Variants in JAML observed in about 807,000 individuals in gnomAD.
The protein encoded by JAML is junction adhesion molecule like.
In JAML, 25 loss-of-function variants were observed where a neutral mutation model predicts 39.3. The ratio of observed to expected loss-of-function variants is 0.64; its 90% CI spans 0.46 to 0.89. The LOEUF (loss-of-function observed/expected upper bound fraction) is 0.89, where lower values mean the gene tolerates loss of function less well. Ranked by LOEUF, JAML falls within the 40% of genes least tolerant of loss-of-function variation. JAML has a pLI of 0.00. For synonymous variants in JAML, 162 were observed against 179.2 expected, an observed-to-expected ratio of 0.90 and a Z score of 0.77; for missense variants, 440 against 486.9, an observed-to-expected ratio of 0.90 and a Z score of 0.91.
chr11:118,222,516 T>C lies in JAML; in HGVS notation c.-21+2425A>G, dbSNP rs1366468268. Among the ~76,000 whole-genome samples, 2 of 152,222 alleles carry C rather than the reference T, an allele frequency of 1.3e-5. No homozygotes were observed. The highest frequency in any genetic ancestry group is 2.9e-5 in the Non-Finnish European group (2 of 68,044). On this transcript the variant is annotated intron_variant, in intron 1 of 9. Transcript: ENST00000356289. This position sits in a 1 kb window ranked among gnomAD's most constrained non-coding sequence, Gnocchi z 4.2. ...CTGTCTGTCTGTGTATTTATATGTG[T>C]TGTATGTATAGTATTTATATAAAAG...
intron 5 of JAML, 98 bp downstream of exon 5, chr11:118,205,784 A>G: frequency 8.9e-7 from 1 of 1,128,774 alleles, no homozygotes; most frequent in South Asian, 1.3e-5. Flanking sequence ...ACCAAAGCCC[A>G]GGCTCTTGCA....
intron 4 of JAML, 67 bp downstream of exon 4, chr11:118,210,420 G>C: frequency 6.6e-7 from 1 of 1,508,902 alleles, no homozygotes; most frequent in South Asian, 1.2e-5. Flanking sequence ...AAGATAATCA[G>C]TTTCCTTGCC....
intron 5 of JAML, chr11:118,205,429 T>A (rs747042666): frequency 1.8e-4 from 28 of 156,428 alleles, no homozygotes; most frequent in Middle Eastern, 3.2e-3. Context: ...GAAAATTCCC[T>A]CCATCACATA....
chr11:118,197,966 A>AGGC, intron 8 of JAML, 32 bp downstream of exon 8: 1 of 1,589,624 alleles, frequency 6.3e-7, no homozygotes, highest in Non-Finnish European at 8.6e-7. Context: ...GCCTGCATCT[A>AGGC]CTTAGTGTTT....
In JAML at chr11:118,222,644, C is replaced by A. The variant is rs3018383; in HGVS notation, c.-21+2297G>T. On this transcript the variant is annotated intron_variant, in intron 1 of 9. Transcript: ENST00000356289. The surrounding 1 kb of genome is among the most constrained non-coding windows in gnomAD (Gnocchi z 4.2). ...TCACGTGACTCTAATGATTTTTAAA[C>A]ATAAAGACAGTGTAAATAACATAAA... is the stretch of plus-strand genomic sequence containing the variant. Among the ~76,000 whole-genome samples the A allele has an allele frequency of 0.36, 54,839 of 152,012 alleles. 13,783 individuals are homozygous for A. The highest frequency in any genetic ancestry group is 0.72 in the African/African-American group (29,682 of 41,488).
At chr11:118,196,204 T>C (rs1948651735) in intron 9 of JAML, among the ~76,000 whole-genome samples, 2 of 149,502 alleles carry the variant, frequency 1.3e-5, no homozygotes, top group South Asian at 2.1e-4. Flanking sequence ...TCTCGGCTCA[T>C]GTAACCAACG....
Position 118,212,934 on chromosome 11 carries a change from GT to G in JAML, c.44-374del, listed in dbSNP as rs750008104. ...ACTTACCATAACGACGAAATGGGTTGTTCCTTGCTCTTAAATCTCCCACTGG... is the reference window on the plus strand; with the variant it reads ...ACTTACCATAACGACGAAATGGGTTGTCCTTGCTCTTAAATCTCCCACTGG... On this transcript the variant is annotated intron_variant, in intron 2 of 9. Coordinates refer to ENST00000356289, the MANE Select transcript of JAML (RefSeq NM_001098526.2). 9 of 1,614,236 alleles carry G rather than the reference GT, an allele frequency of 5.6e-6. No homozygotes were observed. In the East Asian group the frequency reaches 1.8e-4, roughly 32 times the overall value.
At chr11:118,219,825 A>C (rs2134678416) in intron 1 of JAML, among the ~76,000 whole-genome samples, 1 of 152,334 alleles carries the variant, frequency 6.6e-6, no homozygotes, top group East Asian at 1.9e-4. Context: ...GTTTGGAGAC[A>C]GCTGAAGGTC....
intron 4 of JAML, among the ~76,000 whole-genome samples, chr11:118,207,636 T>C (rs975807244): frequency 1.3e-5 from 2 of 151,094 alleles, no homozygotes; most frequent in Non-Finnish European, 2.9e-5. Flanking sequence ...TATAGATGAC[T>C]ACAAAAAATG....
chr11:118,218,272 T>C (rs1412308730), intron 1 of JAML, among the ~76,000 whole-genome samples: 2 of 152,156 alleles, frequency 1.3e-5, no homozygotes, highest in Admixed American at 1.3e-4. Context: ...TTTGTACTTT[T>C]AGTAGAGACA....
intron 1 of JAML, among the ~76,000 whole-genome samples, chr11:118,216,920 G>A (rs1949150361): frequency 6.6e-6 from 1 of 152,062 alleles, no homozygotes; most frequent in Non-Finnish European, 1.5e-5. Context: ...ATACATGGAT[G>A]AAGGTCATAA....
At chr11:118,195,222 C>T (rs1339000861) in intron 9 of JAML, among the ~76,000 whole-genome samples, 2 of 152,156 alleles carry the variant, frequency 1.3e-5, no homozygotes, top group Non-Finnish European at 2.9e-5. Flanking sequence ...CATCACATAA[C>T]AGTATGGGAG....
chr11:118,205,973 C>G lies in JAML; in HGVS notation c.443G>C (p.Gly148Ala), dbSNP rs541898493. ...AACACATCCCATCTGAATCAATCCA[C>G]CCACATGGACCATGAGCTCTGAGGA... is the stretch of plus-strand genomic sequence containing the variant. ...EEPKELMVHV[G>A]GLIQMGCVFQ... is the part of the protein sequence containing the mutation. The change falls in exon 5 of 10, where the codon GGT (glycine) becomes GCT (alanine). Residue 148 changes from glycine (G) to alanine (A), a missense_variant. Gly to Ala is a moderately conservative substitution (Grantham distance 60). Coordinates refer to ENST00000356289, the MANE Select transcript of JAML (RefSeq NM_001098526.2). 1.6e-4 allele frequency: 256 copies of G among 1,613,846 alleles called. 2 individuals are homozygous for G. In the South Asian group the frequency reaches 2.3e-3, roughly 15 times the overall value.
intron 2 of JAML, chr11:118,213,148 G>A: frequency 4.2e-6 from 6 of 1,414,910 alleles, no homozygotes; most frequent in Non-Finnish European, 5.5e-6. Flanking sequence ...CTCCAGCTTT[G>A]CCATCAGCTT....
intron 6 of JAML, chr11:118,203,109 T>C: frequency 1.9e-6 from 1 of 518,050 alleles, no homozygotes; most frequent in Non-Finnish European, 3.7e-6. Flanking sequence ...CTCCGATCCT[T>C]CCCTGAGCTT....
chr11:118,205,028 T>C (rs1445475687), intron 5 of JAML: 1 of 152,184 alleles, frequency 6.6e-6, no homozygotes, highest in Admixed American at 6.5e-5. Flanking sequence ...AATCACTCAA[T>C]GGATGACATT....
intron 2 of JAML, chr11:118,213,329 C>T: frequency 9.8e-7 from 1 of 1,020,970 alleles, no homozygotes; most frequent in Non-Finnish European, 1.2e-6. Flanking sequence ...TTAGATGCTG[C>T]CCAGTTCATA....
At chr11:118,194,790 A>C (rs1948619315) in intron 9 of JAML, among the ~76,000 whole-genome samples, 2 of 152,320 alleles carry the variant, frequency 1.3e-5, no homozygotes, top group South Asian at 4.1e-4. Flanking sequence ...AACAAAAAAC[A>C]AAGGCTCTTT....
chr11:118,223,646 A>T (rs77350377), intron 1 of JAML, among the ~76,000 whole-genome samples: 1 of 152,122 alleles, frequency 6.6e-6, no homozygotes. Context: ...ATCAGCAAGT[A>T]AAGATTTTTG....
Sources: allele counts gnomAD v4.1 joint callset (sites outside exome capture counted in the v4.1 genomes callset), GRCh38; gene constraint gnomAD v4.1.1; non-coding constraint Gnocchi (gnomAD v3.1); transcripts MANE v1.5; gene names NCBI Gene and HGNC (gene_info 2026-07-23, HGNC 2026-07-21).